Variants in GABPB1 observed in about 807,000 individuals in gnomAD.
GABPB1 encodes GA binding protein transcription factor subunit beta 1.
GABPB1 carries 15 observed loss-of-function variants against 45.9 expected under a neutral mutation model. That is an observed-to-expected ratio of 0.33 (90% CI 0.22 to 0.50). GABPB1 has a LOEUF of 0.50. Ranked by LOEUF, GABPB1 falls within the 20% of genes least tolerant of loss-of-function variation. The pLI is 0.98. For synonymous variants in GABPB1, 143 were observed against 154.4 expected (o/e 0.93, Z 0.55); for missense variants, 252 against 457.5 (o/e 0.55, Z 4.10).
At chr15:50,333,962 G>A (rs1261121021) in intron 1 of GABPB1, among the ~76,000 whole-genome samples, 2 of 151,034 alleles carry the variant, frequency 1.3e-5, no homozygotes, top group Non-Finnish European at 3.0e-5. Context: ...CCCAGAAGGC[G>A]GAGGTTGCAG....
intron 8 of GABPB1, among the ~76,000 whole-genome samples, chr15:50,281,176 AT>A (rs754861659): frequency 9.2e-5 from 14 of 152,234 alleles, no homozygotes; most frequent in Non-Finnish European, 1.3e-4. Flanking sequence ...TGCTGAATAC[AT>A]TTAATCTTTA....
At chr15:50,312,318 C>T (rs1037070267) in intron 1 of GABPB1, among the ~76,000 whole-genome samples, 2 of 152,074 alleles carry the variant, frequency 1.3e-5, no homozygotes, top group African/African-American at 4.8e-5. Flanking sequence ...TTTAAATACA[C>T]TTCTCTGTGA....
intron 1 of GABPB1, among the ~76,000 whole-genome samples, chr15:50,321,593 TC>T (rs1170339711): frequency 6.6e-6 from 1 of 151,676 alleles, no homozygotes; most frequent in Non-Finnish European, 1.5e-5. Context: ...TCCCAGCTAC[TC>T]AGGAGGCTGA....
chr15:50,321,768 A>C (rs556761962), intron 1 of GABPB1, among the ~76,000 whole-genome samples: 1 of 152,256 alleles, frequency 6.6e-6, no homozygotes. Flanking sequence ...CACACAGTAG[A>C]AACTCCAGAA....
At chr15:50,285,984 G>A in intron 8 of GABPB1, 84 bp downstream of exon 8, 1 of 1,552,910 alleles carries the variant, frequency 6.4e-7, no homozygotes, top group Non-Finnish European at 8.7e-7. Context: ...AAACAATACT[G>A]TCAGTAATAA....
chr15:50,342,894 TTTTGTTTG>T (rs561240470), intron 1 of GABPB1, among the ~76,000 whole-genome samples: 3 of 152,140 alleles, frequency 2.0e-5, no homozygotes, highest in African/African-American at 7.2e-5. Context: ...TAACATTTGT[TTTTGTTTG>T]TTTGTTTGTT....
At position 50,289,695 on chromosome 15, in the gene GABPB1, C is replaced by CAAA. The variant is rs1349594614; in HGVS notation, c.698-30_698-28dup. On this transcript the variant is annotated intron_variant, in intron 6 of 8. Coordinates refer to ENST00000380877, the MANE Select transcript of GABPB1 (RefSeq NM_016654.5). ...TGGAAAAAAAAAAAAGAAAACTCAG[C>CAAA]AAACATATGTAACGGTATGAATAGA... The CAAA allele has an allele frequency of 3.2e-6, 5 of 1,552,202 alleles. No individual in the cohort carries two copies. In the African/African-American group the frequency reaches 7.0e-5, roughly 22 times the overall value.
intron 1 of GABPB1, among the ~76,000 whole-genome samples, chr15:50,321,890 T>G (rs1244863031): frequency 6.6e-6 from 1 of 152,076 alleles, no homozygotes; most frequent in African/African-American, 2.4e-5. Context: ...AAGTCAGCCT[T>G]GTTGTAACAA....
At chr15:50,328,036 G>GTGTCT (rs2047828994) in intron 1 of GABPB1, among the ~76,000 whole-genome samples, 1 of 150,562 alleles carries the variant, frequency 6.6e-6, no homozygotes, top group Non-Finnish European at 1.5e-5. Flanking sequence ...AAAAAAAAAA[G>GTGTCT]AAATTCCAAA....
intron 6 of GABPB1, among the ~76,000 whole-genome samples, chr15:50,299,787 A>C (rs985393943): frequency 6.6e-6 from 1 of 152,070 alleles, no homozygotes; most frequent in Non-Finnish European, 1.5e-5. Context: ...AGCTGCTAAA[A>C]ATTAAAATTT....
chr15:50,307,254 G>A (rs957952735), intron 2 of GABPB1, among the ~76,000 whole-genome samples: 1 of 152,130 alleles, frequency 6.6e-6, no homozygotes, highest in Non-Finnish European at 1.5e-5. Flanking sequence ...CTAATCTGGT[G>A]GATATATAAT....
chr15:50,354,198 T>C (rs1013363693), intron 1 of GABPB1: 18 of 341,948 alleles, frequency 5.3e-5, no homozygotes, highest in Non-Finnish European at 3.4e-5. Context: ...CTGGCAGAGA[T>C]GACCTGGCAA....
intron 1 of GABPB1, among the ~76,000 whole-genome samples, chr15:50,344,317 A>C (rs2048485978): frequency 6.6e-6 from 1 of 152,184 alleles, no homozygotes; most frequent in Admixed American, 6.5e-5. Context: ...GCAAATGGTG[A>C]CCCTTTCAAA....
At chr15:50,297,549 A>G (rs56812974) in intron 6 of GABPB1, among the ~76,000 whole-genome samples, 11,623 of 152,218 alleles carry the variant, frequency 0.076, 1,341 homozygotes, top group African/African-American at 0.25. Flanking sequence ...TATCTTCAAA[A>G]AGATTCCACT....
Position 50,306,889 on chromosome 15 carries a change from T to C in GABPB1, c.109-2756A>G, listed in dbSNP as rs570841276. Among the ~76,000 whole-genome samples, 24 of 152,174 alleles carry C rather than the reference T, an allele frequency of 1.6e-4. 1 individual carries two copies. In the South Asian group the frequency reaches 4.8e-3, roughly 30 times the overall value. On this transcript the variant is annotated intron_variant, in intron 2 of 8. Transcript: ENST00000380877. ...GATTCACCATGTTAATAACTGTAAGTATAGCTTACTAATTTTCTGTGTTCT... is the reference window on the plus strand; with the variant it reads ...GATTCACCATGTTAATAACTGTAAGCATAGCTTACTAATTTTCTGTGTTCT...
intron 1 of GABPB1, chr15:50,353,937 GC>G (rs1163131869): frequency 1.9e-5 from 3 of 156,516 alleles, no homozygotes; most frequent in East Asian, 3.8e-4. Context: ...ACATTATCAA[GC>G]CCCCTTCAGA....
At position 50,300,436 on chromosome 15, in the gene GABPB1, G is replaced by GTTTCTTTTTTT. The variant is rs2046692528; in HGVS notation, c.697+352_697+353insAAAAAAAGAAA. ...ATATTTGAATCTGCAACTGTTTTTG[G>GTTTCTTTTTTT]TTTTTTTTTTTTTTTTTTTTTTTTG... is the stretch of plus-strand genomic sequence containing the variant. On this transcript the variant is annotated intron_variant, in intron 6 of 8. Transcript: ENST00000380877. Among the ~76,000 whole-genome samples, 10 of 40,808 alleles carry GTTTCTTTTTTT rather than the reference G, an allele frequency of 2.5e-4. 2 individuals are homozygous for GTTTCTTTTTTT. Among genetic ancestry groups the GTTTCTTTTTTT allele is most frequent in the Admixed American group, 4.7e-4 (1 of 2,122 alleles). The allele number at this position is 40,808 out of a possible 152,430, so 26.8% of individuals were successfully genotyped here. A position where few individuals can be genotyped will look rare whatever the true frequency, so the allele number is the denominator to read the frequency against.
rs138441331 is a variant in GABPB1, at chr15:50,338,432, T to C, written c.-1+16553A>G. On this transcript the variant is annotated intron_variant, in intron 1 of 8. Transcript: ENST00000380877. The stretch of plus-strand genomic sequence containing the variant: ...TCTTATATACAGTTACTCCCAAACA[T>C]ACTACATAAAAAAATATTTCTGTGC... Among the ~76,000 whole-genome samples, 503 of 152,276 alleles carry C rather than the reference T, an allele frequency of 3.3e-3. 7 individuals carry two copies. Among genetic ancestry groups the C allele is most frequent in the Middle Eastern group, 0.024 (7 of 294 alleles).
intron 1 of GABPB1, among the ~76,000 whole-genome samples, chr15:50,338,832 C>T (rs2048239843): frequency 1.3e-5 from 2 of 152,216 alleles, no homozygotes; most frequent in Admixed American, 1.3e-4. Context: ...TTATTCAAAT[C>T]TATTTTTGTT....
Sources: allele counts gnomAD v4.1 joint callset (sites outside exome capture counted in the v4.1 genomes callset), GRCh38; gene constraint gnomAD v4.1.1; transcripts MANE v1.5; gene names NCBI Gene and HGNC (gene_info 2026-07-23, HGNC 2026-07-21).